The following PCDHGA8 variants were observed in gnomAD, a reference collection of about 807,000 sequenced individuals.
The protein encoded by PCDHGA8 is protocadherin gamma-A8.
In PCDHGA8, 45 loss-of-function variants were observed where a neutral mutation model predicts 59.2. The observed-to-expected ratio is 0.76, with a 90% CI of 0.60 to 0.98. The LOEUF (loss-of-function observed/expected upper bound fraction) is 0.98. Ranked by LOEUF, PCDHGA8 falls within the 50% of genes least tolerant of loss-of-function variation. The pLI is 0.00. For missense variants in PCDHGA8, 1,257 were observed against 1,196.2 expected, an observed-to-expected ratio of 1.05 and a Z score of -0.75; for synonymous variants, 531 against 519.0, an observed-to-expected ratio of 1.02 and a Z score of -0.32.
chr5:141,501,500 C>G (rs1385290676), intron 2 of PCDHGA8, among the ~76,000 whole-genome samples: 1 of 151,934 alleles, frequency 6.6e-6, no homozygotes, highest in Non-Finnish European at 1.5e-5. Context: ...GCTGCTGGGG[C>G]TCCAAGGCCT....
chr5:141,400,700 AAAG>A (rs1199384329), intron 1 of PCDHGA8: 5 of 728,844 alleles, frequency 6.9e-6, no homozygotes, highest in Non-Finnish European at 1.1e-5. Flanking sequence ...ATGTCGCATA[AAAG>A]AAGTAGCCTT....
At chr5:141,481,229 A>T (rs989963485) in intron 1 of PCDHGA8, among the ~76,000 whole-genome samples, 1 of 152,212 alleles carries the variant, frequency 6.6e-6, no homozygotes, top group Non-Finnish European at 1.5e-5. Flanking sequence ...TCCCAGCCTT[A>T]AAGTATTACA....
chr5:141,444,044 T>C (rs188266846), intron 1 of PCDHGA8, among the ~76,000 whole-genome samples: 1 of 152,098 alleles, frequency 6.6e-6, no homozygotes, highest in East Asian at 1.9e-4. Flanking sequence ...ATCAGATAAT[T>C]TGGCATCTTC....
intron 1 of PCDHGA8, among the ~76,000 whole-genome samples, chr5:141,480,195 G>C (rs1350891459): frequency 6.6e-6 from 1 of 151,182 alleles, no homozygotes; most frequent in African/African-American, 2.4e-5. Flanking sequence ...CTTGAGGCCA[G>C]CAGTTCAAGA....
chr5:141,504,578 TGCCCAGGATTCACAGCAA>T (rs2099839274), intron 2 of PCDHGA8, among the ~76,000 whole-genome samples: 1 of 148,500 alleles, frequency 6.7e-6, no homozygotes, highest in African/African-American at 2.5e-5. Flanking sequence ...GAACACCATC[TGCCCAGGATTCACAGCAA>T]GAGGGAACTT....
intron 1 of PCDHGA8, chr5:141,423,090 G>GT (rs2096707772): frequency 2.5e-6 from 4 of 1,613,904 alleles, no homozygotes; most frequent in African/African-American, 2.7e-5. Flanking sequence ...TCGCGGTGGG[G>GT]GAGCACACGG....
At chr5:141,398,450 C>T in intron 1 of PCDHGA8, 1 of 1,574,388 alleles carries the variant, frequency 6.4e-7, no homozygotes, top group East Asian at 2.2e-5. Flanking sequence ...GAATTTGAGG[C>T]TGTTGCTGAA....
At position 141,488,726 on chromosome 5, in the gene PCDHGA8, G is replaced by A. The variant is rs1562126303; in HGVS notation, c.2425-6081G>A. 2.0e-5 allele frequency among the ~76,000 whole-genome samples: 3 copies of A among 152,194 alleles called. No homozygotes were observed. The South Asian group carries it at 6.2e-4, about 32-fold the overall frequency. ...TGCTGGTTCAAGCAAAGTGGTGGAA[G>A]CTTCTGAAGTCATGCAGGAAGTTGC... On this transcript the variant is annotated intron_variant, in intron 1 of 3. Transcript: ENST00000398604.
chr5:141,445,814 TA>T (rs1554133713), intron 1 of PCDHGA8, among the ~76,000 whole-genome samples: 1 of 152,182 alleles, frequency 6.6e-6, no homozygotes, highest in Non-Finnish European at 1.5e-5. Context: ...TAGATGAAAC[TA>T]ATAAGGCAGG....
At position 141,505,200 on chromosome 5, in the gene PCDHGA8, G is replaced by T. The variant is rs528060752; in HGVS notation, c.2484-193G>T. On this transcript the variant is annotated intron_variant, in intron 2 of 3. Transcript: ENST00000398604. ...AAAGCATCGGAGGCAGCAAAGAGCTGGTTTGAGGGACTGACTTGTGGGATT... is the reference window on the plus strand; with the variant it reads ...AAAGCATCGGAGGCAGCAAAGAGCTTGTTTGAGGGACTGACTTGTGGGATT... Among the ~76,000 whole-genome samples the T allele has an allele frequency of 6.6e-5, 10 of 152,244 alleles. No individual in the cohort carries two copies. The East Asian group carries it at 7.7e-4, about 12-fold the overall frequency.
intron 1 of PCDHGA8, among the ~76,000 whole-genome samples, chr5:141,463,726 A>G (rs6888081): frequency 0.29 from 44,573 of 151,836 alleles, 7,596 homozygotes; most frequent in African/African-American, 0.48. Flanking sequence ...GATTACAGGC[A>G]TGAGCCACCG....
Position 141,475,971 on chromosome 5 carries a change from C to G in PCDHGA8, c.2425-18836C>G, listed in dbSNP as rs750016455. On this transcript the variant is annotated intron_variant, in intron 1 of 3. Coordinates refer to ENST00000398604, the MANE Select transcript of PCDHGA8 (RefSeq NM_032088.2). The stretch of plus-strand genomic sequence containing the variant: ...TCTGCGCCCCGGGATGAGGCAGAGA[C>G]TGAACAGCCGGCGAGCAAATCAACG... 2.5e-5 allele frequency: 24 copies of G among 954,292 alleles called. No individual in the cohort carries two copies. In the African/African-American group the frequency reaches 3.4e-4, roughly 14 times the overall value. 59.1% of individuals were successfully genotyped at this position (954,292 alleles called of 1,614,324 possible). A position where few individuals can be genotyped will look rare whatever the true frequency, so the allele number is the denominator to read the frequency against.
chr5:141,393,562 A>C lies in PCDHGA8; in HGVS notation c.749A>C (p.Lys250Thr). ...TTTCCTCACCCGATTTACCGAGTGA[A>C]AGTCCTTGAGAACATGCCCCCAGGC... Reference protein sequence around the residue: ...PVFPHPIYRVKVLENMPPGTR... With the variant: ...PVFPHPIYRVTVLENMPPGTR... Residue 250 changes from lysine (K) to threonine (T), a missense_variant, in exon 1 of 4, where the codon AAA becomes ACA. Coordinates refer to ENST00000398604, the MANE Select transcript of PCDHGA8 (RefSeq NM_032088.2). 1 of 1,613,964 alleles carries C rather than the reference A, an allele frequency of 6.2e-7. No homozygotes were observed. The highest frequency in any genetic ancestry group is 8.5e-7 in the Non-Finnish European group (1 of 1,179,898).
rs539727453 is a variant in PCDHGA8 at position 141,487,510 on chromosome 5, C to G, written c.2425-7297C>G. ...GCTGTACACCCTTGGCTTCTGCACC[C>G]ACTCGGAGTGATAGCTTCATGATGG... On this transcript the variant is annotated intron_variant, in intron 1 of 3. Coordinates refer to ENST00000398604, the MANE Select transcript of PCDHGA8 (RefSeq NM_032088.2). This position sits in a 1 kb window ranked among gnomAD's most constrained non-coding sequence, Gnocchi z 5.0. The G allele has an allele frequency of 2.5e-6, 4 of 1,614,210 alleles. No homozygotes were observed. The highest frequency in any genetic ancestry group is 2.2e-5 in the East Asian group (1 of 44,860).
rs754547223 is a variant in PCDHGA8 at position 141,511,148 on chromosome 5, AGTC to A, written c.2776_2778del (p.Ser926del). The A allele has an allele frequency of 7.4e-6, 12 of 1,614,202 alleles. No individual in the cohort carries two copies. The highest frequency in any genetic ancestry group is 1.0e-5 in the Non-Finnish European group (12 of 1,180,016). ...GCAGGTGGCAATGGCAACAAGAAGA[AGTC>A]GGGCAAGAAGGAGAAGAAGTAACAT... On this transcript the variant is annotated inframe_deletion, in exon 4 of 4. Coordinates refer to ENST00000398604, the MANE Select transcript of PCDHGA8 (RefSeq NM_032088.2).
intron 1 of PCDHGA8, chr5:141,413,929 CGAGTGAGTGTTCCT>C: frequency 6.2e-7 from 1 of 1,613,342 alleles, no homozygotes; most frequent in Non-Finnish European, 8.5e-7. Flanking sequence ...GCCAGAATAC[CGAGTGAGTGTTCCT>C]GAGAATTTGC....
intron 1 of PCDHGA8, chr5:141,430,905 C>T: frequency 6.2e-7 from 1 of 1,606,922 alleles, no homozygotes; most frequent in Non-Finnish European, 8.5e-7. Context: ...GGCGACATCT[C>T]CAGGGACCTG....
Position 141,487,820 on chromosome 5 carries a change from G to A in PCDHGA8, c.2425-6987G>A, listed in dbSNP as rs1024593393. 8 of 1,293,652 alleles carry A rather than the reference G, an allele frequency of 6.2e-6. No individual in the cohort carries two copies. The highest frequency in any genetic ancestry group is 3.7e-4 in the Middle Eastern group (2 of 5,382). 80.1% of individuals were successfully genotyped at this position (1,293,652 alleles called of 1,614,324 possible). A position where few individuals can be genotyped will look rare whatever the true frequency, so the allele number is the denominator to read the frequency against. On this transcript the variant is annotated intron_variant, in intron 1 of 3. Transcript: ENST00000398604. This position sits in a 1 kb window ranked among gnomAD's most constrained non-coding sequence, Gnocchi z 5.0. ...GTTGTCACAGTTTAGCATTGGGGGC[G>A]GGTCATGCCTATATCTGAGTAAGAA...
In PCDHGA8 at chr5:141,489,515, G is replaced by A. The variant is rs983415025; in HGVS notation, c.2425-5292G>A. On this transcript the variant is annotated intron_variant, in intron 1 of 3. Coordinates refer to ENST00000398604, the MANE Select transcript of PCDHGA8 (RefSeq NM_032088.2). The surrounding 1 kb of genome is among the most constrained non-coding windows in gnomAD (Gnocchi z 4.5). ...CTGGCAGTGAATCAAAAGATTGACC[G>A]AGAAAGCCTATGTGGAGCCAGCACC... 2 of 1,614,104 alleles carry A rather than the reference G, an allele frequency of 1.2e-6. No homozygotes were observed. Among genetic ancestry groups the A allele is most frequent in the Non-Finnish European group, 8.5e-7 (1 of 1,180,034 alleles).
Sources: gnomAD v4.1 joint callset for allele counts (sites outside exome capture counted in the v4.1 genomes callset) on GRCh38, gnomAD v4.1.1 for gene constraint, Gnocchi (gnomAD v3.1) non-coding constraint, MANE v1.5 for transcripts, NCBI Gene and HGNC (gene_info 2026-07-23, HGNC 2026-07-21) for gene names.